Variants in PAH observed in about 807,000 individuals in gnomAD.
The protein encoded by PAH is phenylalanine-4-hydroxylase.
PAH carries 64 observed loss-of-function variants against 62.0 expected under a neutral mutation model. The observed-to-expected ratio is 1.03, with a 90% confidence interval of 0.84 to 1.27. The LOEUF is 1.27. PAH is among the 50% of genes most tolerant of loss of function. PAH has a pLI of 0.00. For missense variants in PAH, 579 were observed against 542.8 expected, an observed-to-expected ratio of 1.07 and a Z score of -0.66; for synonymous variants, 195 against 196.2, an observed-to-expected ratio of 0.99 and a Z score of 0.05.
rs7487151 is a variant in PAH at position 102,903,373 on chromosome 12, C to A, written c.169-8455G>T. Among the ~76,000 whole-genome samples, 455 of 96,188 alleles carry A rather than the reference C, an allele frequency of 4.7e-3. 1 individual carries two copies. The highest frequency in any genetic ancestry group is 0.042 in the South Asian group (143 of 3,380). The allele number at this position is 96,188 out of a possible 152,430, so 63.1% of individuals were successfully genotyped here. A position where few individuals can be genotyped will look rare whatever the true frequency, so the allele number is the denominator to read the frequency against. On this transcript the variant is annotated intron_variant, in intron 2 of 12. Transcript: ENST00000553106. ...GAGATTCTGTCTCAAAAAAAAAAAACACACACACACACAAAAAACAAACAA... is the reference window on the plus strand; with the variant it reads ...GAGATTCTGTCTCAAAAAAAAAAAAAACACACACACACAAAAAACAAACAA...
At chr12:102,864,894 A>T (rs2136661019) in intron 5 of PAH, among the ~76,000 whole-genome samples, 1 of 152,256 alleles carries the variant, frequency 6.6e-6, no homozygotes, top group South Asian at 2.1e-4. Context: ...GAGCACCGAA[A>T]GCTTAAATGA....
intron 2 of PAH, among the ~76,000 whole-genome samples, chr12:102,896,118 A>C (rs1359042697): frequency 6.6e-6 from 1 of 152,132 alleles, no homozygotes; most frequent in Non-Finnish European, 1.5e-5. Flanking sequence ...AACACAGAGC[A>C]GGGGGAAGCA....
At position 102,837,139 on chromosome 12, in the gene PAH, T is replaced by C. The variant is rs944053163; in HGVS notation, c.*2036A>G. Reference sequence around the variant, plus strand: ...TTAAACAAATAAAAACACTTACATATTGGAAATTTATTAAATCCCATAGCT... The same window carrying C: ...TTAAACAAATAAAAACACTTACATACTGGAAATTTATTAAATCCCATAGCT... On this transcript the variant is annotated 3_prime_UTR_variant, in exon 13 of 13. Transcript: ENST00000553106. 6.6e-6 allele frequency: 1 copy of C among 152,230 alleles called. No individual in the cohort carries two copies. Among genetic ancestry groups the C allele is most frequent in the Non-Finnish European group, 1.5e-5 (1 of 68,032 alleles). 9.4% of individuals were successfully genotyped at this position (152,230 alleles called of 1,614,324 possible). A position where few individuals can be genotyped will look rare whatever the true frequency, so the allele number is the denominator to read the frequency against.
At chr12:102,929,610 G>A (rs1487919151) in intron 1 of PAH, among the ~76,000 whole-genome samples, 2 of 152,078 alleles carry the variant, frequency 1.3e-5, no homozygotes, top group Admixed American at 1.3e-4. Context: ...TTAGATGTGC[G>A]TTTTGACAAG....
chr12:102,860,344 C>T (rs150573821), intron 5 of PAH, among the ~76,000 whole-genome samples: 1 of 152,162 alleles, frequency 6.6e-6, no homozygotes, highest in Non-Finnish European at 1.5e-5. Context: ...AGAACACAGA[C>T]AAATGGAAGA....
At chr12:102,864,732 G>A (rs1875874455) in intron 5 of PAH, among the ~76,000 whole-genome samples, 1 of 150,910 alleles carries the variant, frequency 6.6e-6, no homozygotes, top group African/African-American at 2.4e-5. Flanking sequence ...GACTGTGAAA[G>A]TGTACAGTGA....
intron 5 of PAH, among the ~76,000 whole-genome samples, chr12:102,861,972 A>T (rs867175136): frequency 0.023 from 3,468 of 151,726 alleles, 132 homozygotes; most frequent in African/African-American, 0.078. Context: ...AGTATAAAAA[A>T]AAAAAAAAAA....
intron 1 of PAH, chr12:102,913,877 C>T (rs531218426): frequency 4.1e-5 from 29 of 700,540 alleles, no homozygotes; most frequent in Admixed American, 8.0e-5. Flanking sequence ...TAGCCTAAGT[C>T]GAAAAATAAT....
rs1485782102 is a variant in PAH at position 102,844,441 on chromosome 12, A to G, written c.970-10T>C. The G allele has an allele frequency of 1.3e-6, 2 of 1,585,608 alleles. No individual in the cohort carries two copies. The highest frequency in any genetic ancestry group is 4.5e-5 in the East Asian group (2 of 44,730). On this transcript the variant is annotated splice_polypyrimidine_tract_variant and intron_variant, in intron 9 of 12. Coordinates refer to ENST00000553106, the MANE Select transcript of PAH (RefSeq NM_000277.3). Reference sequence around the variant, plus strand: ...CAGTAAACCAGTAAATCTGGAATGGAAAGTCAATCTGAGAGCACACTCTAT... The same window carrying G: ...CAGTAAACCAGTAAATCTGGAATGGGAAGTCAATCTGAGAGCACACTCTAT...
At chr12:102,871,489 C>T (rs547585315) in intron 4 of PAH, among the ~76,000 whole-genome samples, 3 of 152,138 alleles carry the variant, frequency 2.0e-5, no homozygotes, top group Non-Finnish European at 4.4e-5. Context: ...ATTGGTTTCT[C>T]TCAGTGTGTT....
intron 2 of PAH, among the ~76,000 whole-genome samples, chr12:102,906,686 TTAGATCACATGCATTAAGTGATTTAA>T: frequency 6.6e-6 from 1 of 152,230 alleles, no homozygotes; most frequent in African/African-American, 2.4e-5. Flanking sequence ...GATTTAATCT[TTAGATCACATGCATTAAGTGATTTAA>T]TCTTTAGAAC....
intron 3 of PAH, among the ~76,000 whole-genome samples, chr12:102,891,698 G>T (rs998294416): frequency 6.6e-6 from 1 of 152,152 alleles, no homozygotes; most frequent in Admixed American, 6.5e-5. Context: ...CACCGAGTGT[G>T]GTCGCCGTGC....
intron 8 of PAH, among the ~76,000 whole-genome samples, chr12:102,850,812 G>A (rs1403649579): frequency 1.3e-5 from 2 of 152,144 alleles, no homozygotes; most frequent in Admixed American, 6.5e-5. Flanking sequence ...TTTTGGCCAG[G>A]TGTGGTGGCT....
chr12:102,935,368 G>T (rs1260874582), intron 1 of PAH, among the ~76,000 whole-genome samples: 2 of 151,994 alleles, frequency 1.3e-5, no homozygotes, highest in Non-Finnish European at 2.9e-5. Flanking sequence ...TTATTCATGT[G>T]TTTTTATCTG....
intron 8 of PAH, 121 bp from the exon 9 acceptor site, chr12:102,847,072 C>T: frequency 1.3e-6 from 1 of 768,326 alleles, no homozygotes; most frequent in Non-Finnish European, 2.4e-6. Context: ...CCCACATAGA[C>T]CCTGAGTGTG....
chr12:102,902,106 AT>A (rs1877784140), intron 2 of PAH, among the ~76,000 whole-genome samples: 1 of 152,244 alleles, frequency 6.6e-6, no homozygotes, highest in African/African-American at 2.4e-5. Context: ...TCATAAAAAA[AT>A]AAACAGGTAA....
At chr12:102,939,061 C>T (rs1879202662) in intron 1 of PAH, among the ~76,000 whole-genome samples, 1 of 152,058 alleles carries the variant, frequency 6.6e-6, no homozygotes, top group African/African-American at 2.4e-5. Context: ...CCTCAGCCAC[C>T]ATACAGAGAG....
intron 1 of PAH, among the ~76,000 whole-genome samples, chr12:102,935,814 A>AT (rs1879080876): frequency 6.7e-6 from 1 of 150,328 alleles, no homozygotes; most frequent in East Asian, 1.9e-4. Context: ...AGGTTTGCTG[A>AT]TTTTGTTTAC....
intron 3 of PAH, among the ~76,000 whole-genome samples, chr12:102,885,123 G>A (rs908271952): frequency 2.6e-5 from 4 of 152,164 alleles, no homozygotes; most frequent in South Asian, 4.1e-4. Flanking sequence ...GAAAGGAAGC[G>A]TGACAAACTA....
Sources: gnomAD v4.1 joint callset for allele counts (sites outside exome capture counted in the v4.1 genomes callset) on GRCh38, gnomAD v4.1.1 for gene constraint, MANE v1.5 for transcripts, NCBI Gene and HGNC (gene_info 2026-07-23, HGNC 2026-07-21) for gene names.